Variants in GLRA3 observed in about 807,000 individuals in gnomAD.
The protein encoded by GLRA3 is glycine receptor alpha 3.
In GLRA3, 44 loss-of-function variants were observed where a neutral mutation model predicts 60.4. That is an observed-to-expected ratio of 0.73 (90% CI 0.57 to 0.94). The LOEUF is 0.94. Among genes scored for constraint, GLRA3 ranks in the 40% least tolerant of loss-of-function variants. The probability of loss-of-function intolerance (pLI) is 0.00; values close to 1 mark genes in which losing one functional copy is unlikely to be tolerated. For synonymous variants in GLRA3, 223 were observed against 192.9 expected (o/e 1.16, Z -1.29); for missense variants, 508 against 564.6 (o/e 0.90, Z 1.02).
At chr4:174,737,177 A>C (rs1368704726) in intron 3 of GLRA3, among the ~76,000 whole-genome samples, 1 of 152,214 alleles carries the variant, frequency 6.6e-6, no homozygotes, top group Non-Finnish European at 1.5e-5. Flanking sequence ...TGTAAGATCA[A>C]ATTTTACCAA....
At chr4:174,728,448 A>C (rs200236000) in intron 4 of GLRA3, 27 bp downstream of exon 4, 1 of 1,233,076 alleles carries the variant, frequency 8.1e-7, no homozygotes, top group Non-Finnish European at 1.2e-6. Context: ...ATTTCACTGA[A>C]ATCGGCAATT....
intron 3 of GLRA3, among the ~76,000 whole-genome samples, chr4:174,755,649 AT>A (rs1406532568): frequency 6.6e-6 from 1 of 152,080 alleles, no homozygotes; most frequent in Non-Finnish European, 1.5e-5. Flanking sequence ...ACCAGAGGCA[AT>A]TCTTAAATAT....
At chr4:174,684,622 T>G (rs1247230686) in intron 5 of GLRA3, among the ~76,000 whole-genome samples, 1 of 152,188 alleles carries the variant, frequency 6.6e-6, no homozygotes, top group African/African-American at 2.4e-5. Flanking sequence ...AGAATTGTTG[T>G]TACTTTGATC....
Position 174,669,413 on chromosome 4 carries a change from C to T in GLRA3, c.927+7665G>A, listed in dbSNP as rs150411739. Among the ~76,000 whole-genome samples, 52 of 152,082 alleles carry T rather than the reference C, an allele frequency of 3.4e-4. No homozygotes were observed. The East Asian group carries it at 9.3e-3, about 27-fold the overall frequency. On this transcript the variant is annotated intron_variant, in intron 7 of 9. Coordinates refer to ENST00000274093, the MANE Select transcript of GLRA3 (RefSeq NM_006529.4). ...ATGAATAACTAGGCAATGAAACTTACGGCCCAGGATATTGTGAGTTTCGAC... is the reference window on the plus strand; with the variant it reads ...ATGAATAACTAGGCAATGAAACTTATGGCCCAGGATATTGTGAGTTTCGAC...
intron 3 of GLRA3, among the ~76,000 whole-genome samples, chr4:174,748,781 G>A (rs1737345583): frequency 6.6e-6 from 1 of 152,238 alleles, no homozygotes; most frequent in South Asian, 2.1e-4. Context: ...TGGAGGTTAA[G>A]GGTAGGTTTG....
intron 3 of GLRA3, among the ~76,000 whole-genome samples, chr4:174,754,736 C>T (rs1009904468): frequency 4.6e-5 from 7 of 152,104 alleles, no homozygotes; most frequent in African/African-American, 1.7e-4. Flanking sequence ...AAATTACACA[C>T]ATTTTATTTC....
intron 3 of GLRA3, among the ~76,000 whole-genome samples, chr4:174,747,634 T>C (rs1439184424): frequency 2.0e-5 from 3 of 152,056 alleles, no homozygotes; most frequent in Non-Finnish European, 2.9e-5. Flanking sequence ...TGGGAAATAT[T>C]TGCGGGGTAG....
intron 9 of GLRA3, among the ~76,000 whole-genome samples, chr4:174,651,848 G>C (rs557598041): frequency 4.6e-5 from 7 of 152,038 alleles, no homozygotes; most frequent in Admixed American, 1.3e-4. Context: ...AGATCATTTT[G>C]AATGTGCCCA....
At chr4:174,808,524 T>C (rs1740138042) in intron 1 of GLRA3, among the ~76,000 whole-genome samples, 1 of 152,160 alleles carries the variant, frequency 6.6e-6, no homozygotes, top group Non-Finnish European at 1.5e-5. Flanking sequence ...TTTACCCTAC[T>C]ATACTTTTAA....
chr4:174,800,336 ATAAT>A (rs777483714), intron 1 of GLRA3, among the ~76,000 whole-genome samples: 4 of 152,140 alleles, frequency 2.6e-5, no homozygotes, highest in Non-Finnish European at 4.4e-5. Context: ...CTACTTTCTG[ATAAT>A]TAATTTTTGT....
chr4:174,647,754 T>C (rs1352632994), intron 9 of GLRA3, among the ~76,000 whole-genome samples: 1 of 152,194 alleles, frequency 6.6e-6, no homozygotes, highest in Non-Finnish European at 1.5e-5. Context: ...GTTCCCAATA[T>C]CTTTTCAACA....
chr4:174,648,113 G>A (rs1211271633), intron 9 of GLRA3, among the ~76,000 whole-genome samples: 1 of 152,172 alleles, frequency 6.6e-6, no homozygotes, highest in African/African-American at 2.4e-5. Context: ...GGAATTACTG[G>A]CAGGTGTAAT....
At chr4:174,779,160 A>AC (rs953156778) in intron 2 of GLRA3, among the ~76,000 whole-genome samples, 1 of 151,992 alleles carries the variant, frequency 6.6e-6, no homozygotes, top group Non-Finnish European at 1.5e-5. Context: ...TGGGTCCCTG[A>AC]CCCCCAAGCA....
intron 2 of GLRA3, among the ~76,000 whole-genome samples, chr4:174,770,843 A>G (rs1214946806): frequency 2.6e-5 from 4 of 152,026 alleles, no homozygotes; most frequent in Admixed American, 1.3e-4. Flanking sequence ...GAGTAAACTT[A>G]GTTTACTCCA....
chr4:174,687,566 A>C (rs1026508908), intron 5 of GLRA3, among the ~76,000 whole-genome samples: 1 of 152,194 alleles, frequency 6.6e-6, no homozygotes, highest in Non-Finnish European at 1.5e-5. Flanking sequence ...AAGATGAAGG[A>C]AGTGAACTTA....
chr4:174,642,077 T>C lies in GLRA3; in HGVS notation c.*1709A>G. On this transcript the variant is annotated 3_prime_UTR_variant, in exon 10 of 10. Transcript: ENST00000274093. ...TAATGCCAAACATGATATTATTTCC[T>C]TATAGTGTTGTTTTAAGTTACTTAT... The C allele has an allele frequency of 1.2e-6, 1 of 859,688 alleles. No homozygotes were observed. The highest frequency in any genetic ancestry group is 1.4e-6 in the Non-Finnish European group (1 of 715,444). 53.3% of individuals were successfully genotyped at this position (859,688 alleles called of 1,614,324 possible). A position where few individuals can be genotyped will look rare whatever the true frequency, so the allele number is the denominator to read the frequency against.
Position 174,643,601 on chromosome 4 carries a change from T to G in GLRA3, c.*185A>C. 7.7e-7 allele frequency: 1 copy of G among 1,306,494 alleles called. No individual in the cohort carries two copies. Among genetic ancestry groups the G allele is most frequent in the Non-Finnish European group, 9.8e-7 (1 of 1,023,864 alleles). 80.9% of individuals were successfully genotyped at this position (1,306,494 alleles called of 1,614,324 possible). On this transcript the variant is annotated 3_prime_UTR_variant, in exon 10 of 10. Coordinates refer to ENST00000274093, the MANE Select transcript of GLRA3 (RefSeq NM_006529.4). ...GAATCCCCTAATAAATATTTTATAT[T>G]CATTAAAAGAATCTCATCTTTCTCA...
At chr4:174,729,393 A>C (rs1736466386) in intron 3 of GLRA3, among the ~76,000 whole-genome samples, 1 of 152,212 alleles carries the variant, frequency 6.6e-6, no homozygotes, top group Admixed American at 6.5e-5. Context: ...ATAGCATGTA[A>C]GTTCTATGAA....
intron 2 of GLRA3, among the ~76,000 whole-genome samples, chr4:174,777,757 C>T (rs1738659539): frequency 6.6e-6 from 1 of 151,952 alleles, no homozygotes; most frequent in Non-Finnish European, 1.5e-5. Flanking sequence ...ATAAATATAC[C>T]ACATGAATAT....
Sources: allele counts gnomAD v4.1 joint callset (sites outside exome capture counted in the v4.1 genomes callset), GRCh38; gene constraint gnomAD v4.1.1; transcripts MANE v1.5; gene names NCBI Gene and HGNC (gene_info 2026-07-23, HGNC 2026-07-21).